MKLN1: variants seen among roughly 807,000 people sequenced by gnomAD.
MKLN1 encodes the protein muskelin.
MKLN1 carries 18 observed loss-of-function variants against 99.0 expected under a neutral mutation model. That is an observed-to-expected ratio of 0.18 (90% CI 0.13 to 0.27). The LOEUF (loss-of-function observed/expected upper bound fraction) is 0.27, where lower values mean the gene tolerates loss of function less well. Among genes scored for constraint, MKLN1 ranks in the 10% least tolerant of loss-of-function variants. MKLN1 has a pLI of 1.00. For missense variants in MKLN1, 621 were observed against 875.9 expected, an observed-to-expected ratio of 0.71 and a Z score of 3.67; for synonymous variants, 288 against 293.2, an observed-to-expected ratio of 0.98 and a Z score of 0.18.
intron 3 of MKLN1, among the ~76,000 whole-genome samples, chr7:131,214,680 C>A (rs927668414): frequency 6.6e-6 from 1 of 152,132 alleles, no homozygotes; most frequent in East Asian, 1.9e-4. Context: ...TACTTTCCAC[C>A]AAATGCATGT....
chr7:131,158,897 C>A (rs893471318), intron 2 of MKLN1, among the ~76,000 whole-genome samples: 2 of 152,098 alleles, frequency 1.3e-5, no homozygotes, highest in African/African-American at 4.8e-5. Flanking sequence ...TAGCAGCATA[C>A]AAATAGATTA....
At chr7:131,211,805 T>C (rs1796910422) in intron 3 of MKLN1, among the ~76,000 whole-genome samples, 4 of 152,200 alleles carry the variant, frequency 2.6e-5, no homozygotes, top group Admixed American at 2.6e-4. Context: ...CTTTCTCAGT[T>C]GAGTTACTTT....
intron 1 of MKLN1, among the ~76,000 whole-genome samples, chr7:131,352,447 A>G (rs1053947223): frequency 6.6e-6 from 1 of 152,160 alleles, no homozygotes; most frequent in Non-Finnish European, 1.5e-5. Context: ...AAGAGAAAAA[A>G]TATCTTGAAT....
intron 3 of MKLN1, among the ~76,000 whole-genome samples, chr7:131,293,422 G>T (rs1798249941): frequency 6.6e-6 from 1 of 152,172 alleles, no homozygotes; most frequent in East Asian, 1.9e-4. Flanking sequence ...TGTAATTTTT[G>T]CATTAGTTTA....
At chr7:131,482,800 G>T (rs1797162648) in intron 17 of MKLN1, among the ~76,000 whole-genome samples, 1 of 152,150 alleles carries the variant, frequency 6.6e-6, no homozygotes. Context: ...AATATTTATT[G>T]AGCACTTACT....
intron 8 of MKLN1, among the ~76,000 whole-genome samples, chr7:131,423,836 C>T (rs1187305379): frequency 1.3e-5 from 2 of 152,158 alleles, no homozygotes; most frequent in Non-Finnish European, 2.9e-5. Flanking sequence ...ATTAGGAATA[C>T]AAAGTATATT....
rs148725719 is a variant in MKLN1, at chr7:131,195,382, G to A, written c.-296-7475G>A. Among the ~76,000 whole-genome samples the A allele has an allele frequency of 5.0e-3, 756 of 151,994 alleles. 6 individuals are homozygous for A. The highest frequency in any genetic ancestry group is 0.017 in the African/African-American group (713 of 41,456). ...AAAAAGTAGCCAGGCATGGTGGCAC[G>A]TGCCTGTAATCCCAGCTACTCAGGA... is the stretch of plus-strand genomic sequence containing the variant. On this transcript the variant is annotated intron_variant, in intron 2 of 7. Transcript: ENST00000416992.
At chr7:131,367,678 A>T (rs1242258648) in intron 1 of MKLN1, among the ~76,000 whole-genome samples, 3 of 151,858 alleles carry the variant, frequency 2.0e-5, no homozygotes, top group Non-Finnish European at 4.4e-5. Flanking sequence ...TATTATTCTT[A>T]CCTGGTATCT....
chr7:131,481,469 A>C (rs1486373580), intron 17 of MKLN1, among the ~76,000 whole-genome samples: 2 of 152,148 alleles, frequency 1.3e-5, no homozygotes, highest in African/African-American at 4.8e-5. Flanking sequence ...TTGGAGGCCG[A>C]GGTGAGATGA....
chr7:131,358,580 T>A (rs964736578), intron 1 of MKLN1, among the ~76,000 whole-genome samples: 3 of 152,204 alleles, frequency 2.0e-5, no homozygotes, highest in Admixed American at 6.5e-5. Context: ...GCTATTCTTT[T>A]CTGAAAGACA....
chr7:131,420,552 C>T lies in MKLN1; in HGVS notation c.847+5842C>T, dbSNP rs188266034. 5.1e-4 allele frequency among the ~76,000 whole-genome samples: 78 copies of T among 152,298 alleles called. 1 individual carries two copies. Among genetic ancestry groups the T allele is most frequent in the African/African-American group, 1.6e-3 (65 of 41,552 alleles). The stretch of plus-strand genomic sequence containing the variant: ...AGTTAAGTCTGAGATGCCAATTAGA[C>T]ATCTACATAGGTATGTCAAGTAAGC... On this transcript the variant is annotated intron_variant, in intron 8 of 17. Transcript: ENST00000352689.
chr7:131,149,441 A>G (rs1408949843), intron 2 of MKLN1, among the ~76,000 whole-genome samples: 1 of 152,160 alleles, frequency 6.6e-6, no homozygotes, highest in East Asian at 1.9e-4. Context: ...GAACAAGGGT[A>G]TGTTTTGGAA....
At chr7:131,319,572 T>A (rs916206141) in intron 3 of MKLN1, among the ~76,000 whole-genome samples, 2 of 152,130 alleles carry the variant, frequency 1.3e-5, no homozygotes, top group Non-Finnish European at 2.9e-5. Flanking sequence ...CTATTCAACA[T>A]AGTATTGGAA....
intron 3 of MKLN1, among the ~76,000 whole-genome samples, chr7:131,263,162 G>T (rs1434317397): frequency 6.6e-6 from 1 of 151,948 alleles, no homozygotes; most frequent in Non-Finnish European, 1.5e-5. Flanking sequence ...TCCTGGTATT[G>T]ATGAGGCCAA....
chr7:131,246,600 A>G (rs1286184460), intron 3 of MKLN1, among the ~76,000 whole-genome samples: 1 of 150,674 alleles, frequency 6.6e-6, no homozygotes, highest in African/African-American at 2.4e-5. Context: ...CTTCATTACA[A>G]TACTAAGGAA....
At chr7:131,353,325 A>AT (rs139559414) in intron 1 of MKLN1, among the ~76,000 whole-genome samples, 7,601 of 151,376 alleles carry the variant, frequency 0.05, 250 homozygotes, top group East Asian at 0.19. Flanking sequence ...GTGATATCTG[A>AT]TTTTTTTTTA....
intron 8 of MKLN1, among the ~76,000 whole-genome samples, chr7:131,417,520 T>C (rs1263504183): frequency 6.6e-6 from 1 of 152,200 alleles, no homozygotes; most frequent in Non-Finnish European, 1.5e-5. Context: ...CATTGCCACA[T>C]ATAGTGTGGA....
intron 2 of MKLN1, among the ~76,000 whole-genome samples, chr7:131,202,054 G>C (rs1337322371): frequency 1.3e-5 from 2 of 151,068 alleles, no homozygotes; most frequent in Admixed American, 1.3e-4. Flanking sequence ...TTGCCATGTG[G>C]AACAACACTA....
At chr7:131,455,798 C>T (rs1346304290) in intron 12 of MKLN1, among the ~76,000 whole-genome samples, 2 of 152,134 alleles carry the variant, frequency 1.3e-5, no homozygotes, top group South Asian at 2.1e-4. Flanking sequence ...GTAATCCCAA[C>T]ACTTTGGGAG....
Sources: gnomAD v4.1 joint callset for allele counts (sites outside exome capture counted in the v4.1 genomes callset) on GRCh38, gnomAD v4.1.1 for gene constraint, MANE v1.5 for transcripts, NCBI Gene and HGNC (gene_info 2026-07-23, HGNC 2026-07-21) for gene names.